Variants in KDM5B observed in about 807,000 individuals in gnomAD.
KDM5B encodes the protein lysine demethylase 5B.
A neutral mutation model predicts 193.4 loss-of-function variants in KDM5B; 144 were observed. That is an observed-to-expected ratio of 0.74 (90% CI 0.65 to 0.86). The LOEUF (loss-of-function observed/expected upper bound fraction) is 0.86, where lower values mean the gene tolerates loss of function less well. Ranked by LOEUF, KDM5B falls within the 40% of genes least tolerant of loss-of-function variation. The pLI is 0.00. For synonymous variants in KDM5B, 668 were observed against 682.6 expected (o/e 0.98, Z 0.33); for missense variants, 1,833 against 1,886.9 (o/e 0.97, Z 0.53).
intron 8 of KDM5B, among the ~76,000 whole-genome samples, chr1:202,759,709 T>A (rs748858424): frequency 6.6e-6 from 1 of 152,172 alleles, no homozygotes; most frequent in Non-Finnish European, 1.5e-5. Context: ...ACTTATATAA[T>A]GTAGCTCCAT....
At chr1:202,738,147 A>G (rs375933120) in intron 20 of KDM5B, among the ~76,000 whole-genome samples, 4 of 152,358 alleles carry the variant, frequency 2.6e-5, no homozygotes, top group South Asian at 4.1e-4. Context: ...AAAAAAAGGT[A>G]GGCTACTTTT....
chr1:202,736,072 G>C, intron 21 of KDM5B, 141 bp downstream of exon 21: 2 of 568,266 alleles, frequency 3.5e-6, no homozygotes, highest in Non-Finnish European at 5.6e-6. Context: ...CAGAAAATTA[G>C]AAGAGTCTCC....
chr1:202,737,831 GTTTC>G (rs1655152469), intron 20 of KDM5B, among the ~76,000 whole-genome samples: 1 of 152,170 alleles, frequency 6.6e-6, no homozygotes, highest in African/African-American at 2.4e-5. Context: ...TGCAACATGT[GTTTC>G]TGGGTTAGAC....
intron 11 of KDM5B, among the ~76,000 whole-genome samples, chr1:202,753,516 G>A (rs1655879278): frequency 2.7e-5 from 4 of 149,184 alleles, no homozygotes. Context: ...AAAAAGGAAT[G>A]TGATGTGAAC....
chr1:202,778,341 G>A (rs940506296), intron 1 of KDM5B, among the ~76,000 whole-genome samples: 13 of 151,842 alleles, frequency 8.6e-5, no homozygotes, highest in Non-Finnish European at 1.3e-4. Flanking sequence ...ACCTACGAAG[G>A]GAGAAAACTG....
At chr1:202,741,775 C>T (rs1176431623) in intron 18 of KDM5B, 53 bp from the exon 19 acceptor site, 1 of 1,015,688 alleles carries the variant, frequency 9.8e-7, no homozygotes. Flanking sequence ...CAGTAATTGG[C>T]TTCTTTCAAA....
chr1:202,745,727 C>G, intron 16 of KDM5B, 131 bp downstream of exon 16: 1 of 973,422 alleles, frequency 1.0e-6, no homozygotes, highest in Non-Finnish European at 1.6e-6. Flanking sequence ...GCTCTGTAAA[C>G]CGGGCTATGT....
At chr1:202,775,876 AAAAATAT>A (rs1346524082) in intron 2 of KDM5B, among the ~76,000 whole-genome samples, 6 of 125,552 alleles carry the variant, frequency 4.8e-5, no homozygotes, top group African/African-American at 1.8e-4. Context: ...AAAAAAAAAA[AAAAATAT>A]ATATATATAT....
chr1:202,766,813 T>C, intron 5 of KDM5B, 113 bp downstream of exon 5: 1 of 1,202,274 alleles, frequency 8.3e-7, no homozygotes, highest in Non-Finnish European at 1.2e-6. Flanking sequence ...CTTTGTGAGA[T>C]TAACAAGGTT....
chr1:202,734,699 TGAATATAC>T (rs941813949), intron 22 of KDM5B, among the ~76,000 whole-genome samples: 4 of 152,252 alleles, frequency 2.6e-5, no homozygotes, highest in Non-Finnish European at 5.9e-5. Flanking sequence ...AGAACCTGAC[TGAATATAC>T]GAATATACAC....
chr1:202,730,720 T>C (rs1572702496), intron 25 of KDM5B, among the ~76,000 whole-genome samples, 189 bp downstream of exon 25: 1 of 152,224 alleles, frequency 6.6e-6, no homozygotes, highest in South Asian at 2.1e-4. Flanking sequence ...GCAGCCGCAG[T>C]ATCCTTAACT....
intron 1 of KDM5B, among the ~76,000 whole-genome samples, chr1:202,782,406 C>T (rs887127733): frequency 2.0e-5 from 3 of 152,022 alleles, no homozygotes; most frequent in Admixed American, 6.6e-5. Context: ...CGCTATGTTG[C>T]CCAGGCTGGT....
chr1:202,777,405 T>A (rs193261355), intron 1 of KDM5B, among the ~76,000 whole-genome samples: 3 of 151,680 alleles, frequency 2.0e-5, no homozygotes, highest in Non-Finnish European at 4.4e-5. Flanking sequence ...TTGACTTCTG[T>A]ATTACCATAG....
In KDM5B at chr1:202,794,123, C is replaced by G. The variant is rs140474975; in HGVS notation, c.204+13979G>C. Among the ~76,000 whole-genome samples, 59 of 152,284 alleles carry G rather than the reference C, an allele frequency of 3.9e-4. 1 individual carries two copies. The East Asian group carries it at 0.011, about 27-fold the overall frequency. On this transcript the variant is annotated intron_variant, in intron 1 of 26. Transcript: ENST00000367265. ...TATATCCACCCCTTTCCCCACTGTC[C>G]TATAAAGATAACAGAATACAAATCC... is the stretch of plus-strand genomic sequence containing the variant.
intron 25 of KDM5B, among the ~76,000 whole-genome samples, chr1:202,730,425 A>AACCAC (rs1292426696): frequency 6.6e-6 from 1 of 152,160 alleles, no homozygotes; most frequent in African/African-American, 2.4e-5. Flanking sequence ...GCTCCTGAGG[A>AACCAC]ACCACACTAA....
In KDM5B at chr1:202,746,165, A is replaced by C; in HGVS notation, c.2175T>G (p.Cys725Trp). The C allele has an allele frequency of 6.2e-7, 1 of 1,612,472 alleles. No homozygotes were observed. Among genetic ancestry groups the C allele is most frequent in the Non-Finnish European group, 8.5e-7 (1 of 1,179,364 alleles). Residue 725 changes from cysteine to tryptophan, a missense_variant, in exon 15 of 27, where the codon TGT becomes TGG. By Grantham distance (215) the Cys-to-Trp change is radical (BLOSUM62 -2). This residue lies in a region of KDM5B where 1,379 missense variants were observed against 1,349.6 expected (regional missense o/e 1.02). Coordinates refer to ENST00000367265, the MANE Select transcript of KDM5B (RefSeq NM_006618.5). ...ACCGCAATTTATATTTGTAAGGAGG[A>C]CAGGAACACAATTCTTTTACATGAT... ...CLHHVKELCSCPPYKYKLRYR... is the reference protein window; with the variant it reads ...CLHHVKELCSWPPYKYKLRYR...
intron 4 of KDM5B, among the ~76,000 whole-genome samples, chr1:202,768,514 G>A (rs776006101): frequency 1.7e-4 from 26 of 152,060 alleles, no homozygotes; most frequent in Non-Finnish European, 2.6e-4. Flanking sequence ...GAGACTGGGC[G>A]AAGAACAAAA....
chr1:202,762,057 G>A (rs1159580717), intron 7 of KDM5B, among the ~76,000 whole-genome samples: 1 of 152,174 alleles, frequency 6.6e-6, no homozygotes, highest in East Asian at 1.9e-4. Context: ...CAGGCTCTCA[G>A]AAGGGGGCAG....
chr1:202,766,730 G>T (rs1041791006), intron 5 of KDM5B, among the ~76,000 whole-genome samples, 196 bp downstream of exon 5: 6 of 152,130 alleles, frequency 3.9e-5, no homozygotes, highest in African/African-American at 1.4e-4. Flanking sequence ...AATTTAGAAA[G>T]ACTTATTCGA....
Sources: gnomAD v4.1 joint callset for allele counts (sites outside exome capture counted in the v4.1 genomes callset) on GRCh38, gnomAD v4.1.1 for gene constraint, gnomAD v4.1.1 regional missense constraint, MANE v1.5 for transcripts, NCBI Gene and HGNC (gene_info 2026-07-23, HGNC 2026-07-21) for gene names.